Variants in MCMDC2 observed in about 807,000 individuals in gnomAD.
MCMDC2 encodes minichromosome maintenance domain containing 2, also known as minichromosome maintenance domain-containing protein 2.
MCMDC2 carries 54 observed loss-of-function variants against 75.8 expected under a neutral mutation model. The observed-to-expected ratio is 0.71, with a 90% CI of 0.57 to 0.89. MCMDC2 has a LOEUF of 0.89. MCMDC2 is among the 40% of genes least tolerant of loss of function. MCMDC2 has a pLI of 0.00. For missense variants in MCMDC2, 656 were observed against 780.4 expected, an observed-to-expected ratio of 0.84 and a Z score of 1.90; for synonymous variants, 249 against 274.6, an observed-to-expected ratio of 0.91 and a Z score of 0.92.
chr8:66,924,363 A>T (rs1240788431), downstream of MCMDC2, among the ~76,000 whole-genome samples: 1 of 151,836 alleles, frequency 6.6e-6, no homozygotes, highest in Admixed American at 6.6e-5. Context: ...GCGGTAACTC[A>T]CGCCTATAAT....
At position 66,901,329 on chromosome 8, in the gene MCMDC2, G is replaced by A; in HGVS notation, c.1750G>A (p.Ala584Thr). 2 of 1,610,562 alleles carry A rather than the reference G, an allele frequency of 1.2e-6. No homozygotes were observed. Among genetic ancestry groups the A allele is most frequent in the Admixed American group, 1.7e-5 (1 of 59,334 alleles). The part of the protein sequence containing the change: ...TGSVCGSKLS[A>T]SALKYLVFLS... Reference sequence around the variant, plus strand: ...CTCTGTATGTGGATCAAAGCTGTCAGCATCTGCATTAAAATATCTGTAGGT... The same window carrying A: ...CTCTGTATGTGGATCAAAGCTGTCAACATCTGCATTAAAATATCTGTAGGT... The change falls in exon 13 of 15, where the codon GCA becomes ACA. Residue 584 changes from alanine (A) to threonine (T), a missense_variant. Physicochemically the swap from Ala to Thr is moderately conservative, Grantham distance 58 (BLOSUM62 0). Coordinates refer to ENST00000422365, the MANE Select transcript of MCMDC2 (RefSeq NM_173518.5).
chr8:66,877,380 C>T lies in MCMDC2; in HGVS notation c.317C>T (p.Pro106Leu). Residue 106 changes from proline (P) to leucine (L), a missense_variant, in exon 5 of 15, where the codon CCT becomes CTT. By Grantham distance (98) the Pro-to-Leu change is moderately conservative. Transcript: ENST00000422365. ...INIVLKLTHLPPLPSYGLDLC... is the reference protein window; with the variant it reads ...INIVLKLTHLLPLPSYGLDLC... ...ATAGTGCTGAAATTAACACATTTAC[C>T]TCCCCTGCCAAGTTATGGTCTTGAT... 6.2e-7 allele frequency: 1 copy of T among 1,610,214 alleles called. No homozygotes were observed. The highest frequency in any genetic ancestry group is 8.5e-7 in the Non-Finnish European group (1 of 1,178,328).
Position 66,870,803 on chromosome 8 carries a change from A to C in MCMDC2, c.-117A>C, listed in dbSNP as rs1365752759. On this transcript the variant is annotated 5_prime_UTR_variant, in exon 1 of 15. Transcript: ENST00000422365. ...CGCTCCGCCTACGCTGCAGGCGGAG[A>C]GCAACCGCCAAGCTTGGTGGGAGTC... 6.6e-6 allele frequency: 1 copy of C among 152,162 alleles called. No homozygotes were observed. Among genetic ancestry groups the C allele is most frequent in the Non-Finnish European group, 1.5e-5 (1 of 68,030 alleles). The allele number at this position is 152,162 out of a possible 1,614,324, so 9.4% of individuals were successfully genotyped here.
rs915267151 is a variant in MCMDC2 at position 66,912,618 on chromosome 8, A to C, written c.1880-6385A>C. 2.6e-5 allele frequency among the ~76,000 whole-genome samples: 4 copies of C among 152,356 alleles called. No individual in the cohort carries two copies. The South Asian group carries it at 6.2e-4, about 24-fold the overall frequency. On this transcript the variant is annotated intron_variant, in intron 14 of 14. Transcript: ENST00000422365. ...TATTATGCAGCCATAAAAAAGAATG[A>C]GTTCATGTACTTTGCAGGGACATGG...
At chr8:66,895,334 G>A (rs187444712) in intron 10 of MCMDC2, among the ~76,000 whole-genome samples, 4 of 151,626 alleles carry the variant, frequency 2.6e-5, no homozygotes, top group East Asian at 1.9e-4. Flanking sequence ...GTGGTCCTCC[G>A]CAATGGCCCT....
downstream of MCMDC2, chr8:66,926,215 T>G (rs1412472155): frequency 6.6e-6 from 1 of 152,210 alleles, no homozygotes; most frequent in Non-Finnish European, 1.5e-5. Context: ...ATGAACATGT[T>G]ATAATTTGCT....
At chr8:66,876,684 C>T (rs554340617) in intron 4 of MCMDC2, among the ~76,000 whole-genome samples, 2 of 152,242 alleles carry the variant, frequency 1.3e-5, no homozygotes, top group African/African-American at 4.8e-5. Context: ...AATCTGGGCA[C>T]TAGGCGTGCT....
Position 66,874,084 on chromosome 8 carries a change from C to T in MCMDC2, c.-57C>T. 7.9e-7 allele frequency: 1 copy of T among 1,270,606 alleles called. No homozygotes were observed. The highest frequency in any genetic ancestry group is 1.1e-6 in the Non-Finnish European group (1 of 915,044). The allele number at this position is 1,270,606 out of a possible 1,614,324, so 78.7% of individuals were successfully genotyped here. A position where few individuals can be genotyped will look rare whatever the true frequency, so the allele number is the denominator to read the frequency against. Reference sequence around the variant, plus strand: ...ACATCCTTTCTATGAGTTTCGCCATCTATAGCTTTTATCAACAATTGTGGT... The same window carrying T: ...ACATCCTTTCTATGAGTTTCGCCATTTATAGCTTTTATCAACAATTGTGGT... On this transcript the variant is annotated 5_prime_UTR_variant, in exon 2 of 15. Coordinates refer to ENST00000422365, the MANE Select transcript of MCMDC2 (RefSeq NM_173518.5).
downstream of MCMDC2, chr8:66,925,668 G>A (rs1290450405): frequency 6.6e-6 from 1 of 152,292 alleles, no homozygotes. Flanking sequence ...GGGCGGAGGG[G>A]AGATGAGACC....
At chr8:66,912,794 G>A (rs1483461533) in intron 14 of MCMDC2, among the ~76,000 whole-genome samples, 1 of 152,156 alleles carries the variant, frequency 6.6e-6, no homozygotes, top group East Asian at 1.9e-4. Context: ...GGTGGGGAGA[G>A]CTAGCGGAGG....
At position 66,896,343 on chromosome 8, in the gene MCMDC2, T is replaced by C. The variant is rs769260748; in HGVS notation, c.1446+7T>C. The C allele has an allele frequency of 1.8e-5, 29 of 1,569,546 alleles. No homozygotes were observed. The highest frequency in any genetic ancestry group is 9.4e-6 in the Non-Finnish European group (11 of 1,166,102). On this transcript the variant is annotated splice_region_variant and intron_variant, in intron 11 of 14. Transcript: ENST00000422365. ...CACTCTAATTGGTCAGATGGTAAGG[T>C]ATATGTATATTTTATTGTTAGAATG...
intron 9 of MCMDC2, among the ~76,000 whole-genome samples, chr8:66,889,317 G>C (rs182166117): frequency 3.9e-5 from 6 of 152,302 alleles, no homozygotes; most frequent in Admixed American, 6.5e-5. Flanking sequence ...AAAGAGGTTA[G>C]AAACCAAAAT....
Position 66,896,840 on chromosome 8 carries a change from G to A in MCMDC2, c.1507G>A (p.Glu503Lys), listed in dbSNP as rs771552359. The change falls in exon 12 of 15, where the codon GAG (glutamate) becomes AAG (lysine). Residue 503 changes from glutamate to lysine, a missense_variant. Transcript: ENST00000422365. ...ATTTGGTTTATTGATTAACTGCAAC[G>A]AGTCATCTCCCTGCCACCCATTTCT... ...EAFGLLINCN[E>K]SSPCHPFLPT... 6 of 1,613,250 alleles carry A rather than the reference G, an allele frequency of 3.7e-6. No individual in the cohort carries two copies. Among genetic ancestry groups the A allele is most frequent in the East Asian group, 2.2e-5 (1 of 44,802 alleles).
At chr8:66,906,219 A>T (rs1812898862) in intron 14 of MCMDC2, among the ~76,000 whole-genome samples, 1 of 152,184 alleles carries the variant, frequency 6.6e-6, no homozygotes, top group Admixed American at 6.6e-5. Context: ...ATTAGATGAG[A>T]CATTAATTTT....
intron 1 of MCMDC2, among the ~76,000 whole-genome samples, chr8:66,871,215 T>C (rs1361922534): frequency 4.6e-5 from 7 of 152,100 alleles, no homozygotes; most frequent in African/African-American, 1.7e-4. Flanking sequence ...CTCTAACTCT[T>C]TTGATGCCAC....
chr8:66,905,377 AT>A, intron 14 of MCMDC2, 42 bp downstream of exon 14: 2 of 1,362,234 alleles, frequency 1.5e-6, no homozygotes, highest in Non-Finnish European at 1.9e-6. Flanking sequence ...AATAACTTTT[AT>A]TTAACCTTAA....
Position 66,896,278 on chromosome 8 carries a change from A to G in MCMDC2, c.1388A>G (p.Asp463Gly). The G allele has an allele frequency of 6.2e-7, 1 of 1,611,718 alleles. No homozygotes were observed. The highest frequency in any genetic ancestry group is 8.5e-7 in the Non-Finnish European group (1 of 1,179,664). Reference protein sequence around the residue: ...PVQCSFWSFVDVDSSSRRNAQ... With the variant: ...PVQCSFWSFVGVDSSSRRNAQ... ...CAGTGCAGTTTTTGGTCTTTTGTTG[A>G]TGTGGATTCATCTTCAAGGAGAAAT... The change falls in exon 11 of 15, where the codon GAT becomes GGT. Residue 463 changes from aspartate to glycine, a missense_variant. Transcript: ENST00000422365.
chr8:66,883,311 A>G (rs1191813503), intron 8 of MCMDC2, among the ~76,000 whole-genome samples: 1 of 152,180 alleles, frequency 6.6e-6, no homozygotes, highest in Non-Finnish European at 1.5e-5. Context: ...TATAGGAGCA[A>G]ACACAGCAAT....
chr8:66,878,742 C>T (rs1181080169), intron 6 of MCMDC2, 46 bp downstream of exon 6: 1 of 1,457,556 alleles, frequency 6.9e-7, no homozygotes, highest in Non-Finnish European at 9.3e-7. Context: ...AAAATAGTGT[C>T]TGATATTTCA....
Sources: allele counts gnomAD v4.1 joint callset (sites outside exome capture counted in the v4.1 genomes callset), GRCh38; gene constraint gnomAD v4.1.1; transcripts MANE v1.5; gene names NCBI Gene and HGNC (gene_info 2026-07-23, HGNC 2026-07-21).